Variants in MBNL1 observed in about 807,000 individuals in gnomAD.
The protein encoded by MBNL1 is muscleblind like splicing regulator 1.
A neutral mutation model predicts 42.2 loss-of-function variants in MBNL1; 8 were observed. The ratio of observed to expected loss-of-function variants is 0.19; its 90% CI spans 0.11 to 0.34. The LOEUF is 0.34. Ranked by LOEUF, MBNL1 falls within the 10% of genes least tolerant of loss-of-function variation. The pLI is 1.00. For missense variants in MBNL1, 309 were observed against 495.3 expected (o/e 0.62, Z 3.57); for synonymous variants, 169 against 173.9 (o/e 0.97, Z 0.22).
chr3:152,285,733 C>T (rs1293308398), intron 1 of MBNL1, among the ~76,000 whole-genome samples: 1 of 151,150 alleles, frequency 6.6e-6, no homozygotes, highest in East Asian at 1.9e-4. Flanking sequence ...AACAATCCTC[C>T]TGCCTCAGCC....
intron 1 of MBNL1, among the ~76,000 whole-genome samples, chr3:152,272,021 TAAC>T (rs1559963588): frequency 6.7e-6 from 1 of 149,846 alleles, no homozygotes; most frequent in Non-Finnish European, 1.5e-5. Context: ...CTTACTAGAT[TAAC>T]TTCACCTGTT....
intron 2 of MBNL1, among the ~76,000 whole-genome samples, chr3:152,378,012 T>C (rs1330404156): frequency 1.3e-5 from 2 of 152,174 alleles, no homozygotes; most frequent in Non-Finnish European, 2.9e-5. Flanking sequence ...TAAGAACCTA[T>C]TGGTGATGTT....
At chr3:152,315,024 A>G (rs575937032) in intron 2 of MBNL1, among the ~76,000 whole-genome samples, 3 of 152,322 alleles carry the variant, frequency 2.0e-5, no homozygotes, top group East Asian at 1.9e-4. Flanking sequence ...GTGTGTGACA[A>G]TGAGTTAATT....
intron 3 of MBNL1, among the ~76,000 whole-genome samples, chr3:152,426,167 G>A (rs187440674): frequency 2.0e-4 from 30 of 151,848 alleles, no homozygotes; most frequent in African/African-American, 4.6e-4. Flanking sequence ...GTGGGCACGG[G>A]GGGGGAACAT....
chr3:152,330,583 T>A (rs972207826), intron 2 of MBNL1, among the ~76,000 whole-genome samples: 1 of 152,218 alleles, frequency 6.6e-6, no homozygotes, highest in Non-Finnish European at 1.5e-5. Context: ...TCACTGTGTG[T>A]CACTGAATTC....
At chr3:152,323,461 G>A (rs140433881) in intron 2 of MBNL1, among the ~76,000 whole-genome samples, 12 of 151,998 alleles carry the variant, frequency 7.9e-5, no homozygotes, top group East Asian at 1.9e-4. Context: ...ACACACGTGC[G>A]TGCACACACA....
intron 2 of MBNL1, among the ~76,000 whole-genome samples, chr3:152,403,385 C>T (rs1232121698): frequency 6.6e-6 from 1 of 152,048 alleles, no homozygotes; most frequent in Non-Finnish European, 1.5e-5. Context: ...GCTTCAATAC[C>T]CTTTTGCTAT....
intron 2 of MBNL1, chr3:152,262,508 A>T (rs2149515772): frequency 6.6e-6 from 1 of 152,342 alleles, no homozygotes; most frequent in Middle Eastern, 3.4e-3. Context: ...GAACCTCAAG[A>T]ATACAATGAG....
chr3:152,286,953 C>T (rs1193194745), intron 1 of MBNL1, among the ~76,000 whole-genome samples: 1 of 152,098 alleles, frequency 6.6e-6, no homozygotes, highest in Non-Finnish European at 1.5e-5. Flanking sequence ...GGCGTGGTGG[C>T]TCATGCCTGT....
chr3:152,322,181 C>T (rs547372279), intron 2 of MBNL1, among the ~76,000 whole-genome samples: 1 of 152,216 alleles, frequency 6.6e-6, no homozygotes, highest in Admixed American at 6.5e-5. Context: ...TCCATGTTCC[C>T]TGTCTGGAAG....
intron 2 of MBNL1, among the ~76,000 whole-genome samples, chr3:152,306,067 C>T (rs1053659675): frequency 5.3e-5 from 8 of 152,200 alleles, no homozygotes; most frequent in African/African-American, 1.9e-4. Context: ...CTCTGGATTC[C>T]TGAGGGCCTT....
chr3:152,270,777 G>A (rs1268505307), intron 1 of MBNL1, among the ~76,000 whole-genome samples: 2 of 152,098 alleles, frequency 1.3e-5, no homozygotes, highest in Admixed American at 6.5e-5. Context: ...TCTGTTTTGT[G>A]TATTTGCATG....
intron 2 of MBNL1, among the ~76,000 whole-genome samples, chr3:152,305,843 T>C (rs2062828861): frequency 6.6e-6 from 1 of 152,246 alleles, no homozygotes; most frequent in Non-Finnish European, 1.5e-5. Context: ...TTAATACTGT[T>C]TCTTATACAA....
intron 2 of MBNL1, among the ~76,000 whole-genome samples, chr3:152,311,602 A>C (rs532572277): frequency 7.2e-5 from 11 of 152,146 alleles, no homozygotes; most frequent in Admixed American, 3.9e-4. Flanking sequence ...GTTTATTTGT[A>C]ATAATTATCA....
At chr3:152,364,489 T>G (rs1442495797) in intron 2 of MBNL1, among the ~76,000 whole-genome samples, 1 of 152,000 alleles carries the variant, frequency 6.6e-6, no homozygotes, top group Non-Finnish European at 1.5e-5. Flanking sequence ...CAATCAGAAG[T>G]GGTGTGGGAG....
intron 2 of MBNL1, among the ~76,000 whole-genome samples, chr3:152,318,880 C>T (rs2074213955): frequency 6.6e-6 from 1 of 152,154 alleles, no homozygotes; most frequent in Non-Finnish European, 1.5e-5. Context: ...AATATCCTGC[C>T]TATTTAAAGT....
chr3:152,305,418 C>T (rs1023123557), intron 2 of MBNL1, among the ~76,000 whole-genome samples: 30 of 152,110 alleles, frequency 2.0e-4, no homozygotes, highest in Non-Finnish European at 1.3e-4. Context: ...TGAGCAATGT[C>T]TCTGCCTTCC....
intron 2 of MBNL1, among the ~76,000 whole-genome samples, chr3:152,343,557 A>G (rs2093718774): frequency 6.6e-6 from 1 of 152,138 alleles, no homozygotes; most frequent in African/African-American, 2.4e-5. Context: ...CAGAAACGGT[A>G]CAGAAGATCT....
intron 1 of MBNL1, among the ~76,000 whole-genome samples, chr3:152,289,757 T>A (rs1300154536): frequency 6.6e-6 from 1 of 152,066 alleles, no homozygotes; most frequent in African/African-American, 2.4e-5. Flanking sequence ...ATCCATAGGA[T>A]TGTAATGTTA....
Sources: gnomAD v4.1 joint callset for allele counts (sites outside exome capture counted in the v4.1 genomes callset) on GRCh38, gnomAD v4.1.1 for gene constraint, MANE v1.5 for transcripts, NCBI Gene and HGNC (gene_info 2026-07-23, HGNC 2026-07-21) for gene names.